Variants in CLVS1 observed in about 807,000 individuals in gnomAD.
CLVS1 encodes clavesin 1, also known as clavesin-1.
A neutral mutation model predicts 33.1 loss-of-function variants in CLVS1; 10 were observed. The ratio of observed to expected loss-of-function variants is 0.30; its 90% CI spans 0.19 to 0.51. The LOEUF is 0.51. Ranked by LOEUF, CLVS1 falls within the 20% of genes least tolerant of loss-of-function variation. The pLI, the probability that CLVS1 is intolerant of heterozygous loss-of-function variation, is 0.97. For synonymous variants in CLVS1, 163 were observed against 166.1 expected, an observed-to-expected ratio of 0.98 and a Z score of 0.14; for missense variants, 343 against 433.4, an observed-to-expected ratio of 0.79 and a Z score of 1.85.
chr8:61,231,192 G>T (rs575375842), intron 2 of CLVS1, among the ~76,000 whole-genome samples: 51 of 152,270 alleles, frequency 3.3e-4, no homozygotes, highest in African/African-American at 1.2e-3. Context: ...ATACCCATGA[G>T]AGAGTCTGCT....
At chr8:61,008,005 G>T in the CLVS1 span, among the ~76,000 whole-genome samples, 1 of 152,300 alleles carries the variant, frequency 6.6e-6, no homozygotes, top group Non-Finnish European at 1.5e-5. Flanking sequence ...CAAGCACAGG[G>T]ACTCCTGCCC....
chr8:61,341,959 G>A (rs2129598243), intron 2 of CLVS1, among the ~76,000 whole-genome samples: 1 of 152,226 alleles, frequency 6.6e-6, no homozygotes, highest in East Asian at 1.9e-4. Flanking sequence ...AAAAAGTCAT[G>A]AAAATGTGTT....
At chr8:61,176,953 G>T (rs1807123844) in intron 2 of CLVS1, among the ~76,000 whole-genome samples, 1 of 152,206 alleles carries the variant, frequency 6.6e-6, no homozygotes, top group Non-Finnish European at 1.5e-5. Context: ...CCCAGGGGGA[G>T]TGGTGGCCAG....
the CLVS1 span, among the ~76,000 whole-genome samples, chr8:60,965,525 A>T: frequency 1.3e-5 from 2 of 152,088 alleles, no homozygotes; most frequent in Non-Finnish European, 1.5e-5. Context: ...ACAGTGGAAG[A>T]GCACTCGGGA....
At chr8:61,198,291 T>G (rs543361785) in intron 2 of CLVS1, among the ~76,000 whole-genome samples, 5 of 152,304 alleles carry the variant, frequency 3.3e-5, no homozygotes, top group African/African-American at 1.2e-4. Flanking sequence ...GTATAAGTGG[T>G]TTTTGATTAC....
intron 1 of CLVS1, among the ~76,000 whole-genome samples, chr8:61,107,419 G>A (rs1052972468): frequency 1.3e-5 from 2 of 152,210 alleles, no homozygotes; most frequent in African/African-American, 2.4e-5. Context: ...ATTGTCTGAT[G>A]AGGTCCTGTT....
At chr8:61,028,457 C>T in the CLVS1 span, among the ~76,000 whole-genome samples, 1 of 152,110 alleles carries the variant, frequency 6.6e-6, no homozygotes, top group Admixed American at 6.6e-5. Flanking sequence ...AATGAATACC[C>T]AATAAATTAG....
At chr8:61,365,207 G>A (rs1055935309) in intron 2 of CLVS1, among the ~76,000 whole-genome samples, 22 of 152,178 alleles carry the variant, frequency 1.4e-4, no homozygotes, top group Non-Finnish European at 2.9e-4. Flanking sequence ...GTAGTGACTA[G>A]CACATTTCCA....
At chr8:61,037,585 C>T in the CLVS1 span, among the ~76,000 whole-genome samples, 3 of 152,168 alleles carry the variant, frequency 2.0e-5, no homozygotes, top group African/African-American at 7.2e-5. Flanking sequence ...ATAGTGCTGC[C>T]ATGAATGTGG....
rs1480456247 is a variant in CLVS1 at position 61,118,028 on chromosome 8, G to T, written c.-242-13742G>T. ...GGACTCTTTTTGGTTGGTAAGCTAT[G>T]GATTATTGCCACAATTTCAGATCCT... On this transcript the variant is annotated intron_variant, in intron 1 of 2. Coordinates refer to the CLVS1 transcript ENST00000522621. 1.4e-3 allele frequency among the ~76,000 whole-genome samples: 213 copies of T among 152,220 alleles called. 2 individuals carry two copies. Among genetic ancestry groups the T allele is most frequent in the African/African-American group, 4.8e-3 (199 of 41,526 alleles).
chr8:61,232,041 T>TTTTTTTTG lies in CLVS1; in HGVS notation c.-151-67629_-151-67628insGTTTTTTT, dbSNP rs1808454600. Among the ~76,000 whole-genome samples, 30 of 116,012 alleles carry TTTTTTTTG rather than the reference T, an allele frequency of 2.6e-4. 1 individual carries two copies. The highest frequency in any genetic ancestry group is 1.3e-3 in the African/African-American group (28 of 20,990). 76.1% of individuals were successfully genotyped at this position (116,012 alleles called of 152,430 possible). A position where few individuals can be genotyped will look rare whatever the true frequency, so the allele number is the denominator to read the frequency against. ...AGTTGTGGTTTTTTTTTTTTTTTTT[T>TTTTTTTTG]TTTTTTTTTGTGAGATGGAGTCTCG... On this transcript the variant is annotated intron_variant, in intron 2 of 2. Transcript: ENST00000522621.
At chr8:60,998,336 C>A in the CLVS1 span, among the ~76,000 whole-genome samples, 2 of 152,188 alleles carry the variant, frequency 1.3e-5, no homozygotes, top group African/African-American at 2.4e-5. Flanking sequence ...TCAGCCCCCT[C>A]AGCCTTATTC....
chr8:61,086,076 A>T (rs1306485329), intron 1 of CLVS1, among the ~76,000 whole-genome samples: 8 of 117,486 alleles, frequency 6.8e-5, no homozygotes, highest in Admixed American at 2.9e-4. Flanking sequence ...AAAAAAAAAA[A>T]ATTAGCTTGT....
chr8:61,266,480 T>C (rs546035623), intron 2 of CLVS1, among the ~76,000 whole-genome samples: 2 of 152,118 alleles, frequency 1.3e-5, no homozygotes, highest in African/African-American at 4.8e-5. Context: ...AGAGACTAGG[T>C]TGGCCTCTGG....
At chr8:61,408,482 C>T (rs561555247) in intron 3 of CLVS1, among the ~76,000 whole-genome samples, 17 of 152,310 alleles carry the variant, frequency 1.1e-4, no homozygotes, top group African/African-American at 3.8e-4. Flanking sequence ...AGAATATGAT[C>T]TACTTCTTTT....
chr8:61,274,807 C>G (rs562427770), intron 2 of CLVS1, among the ~76,000 whole-genome samples: 2 of 152,292 alleles, frequency 1.3e-5, no homozygotes, highest in South Asian at 2.1e-4. Flanking sequence ...TTGATTAACA[C>G]TTGTAGTTTC....
chr8:61,009,639 C>T, the CLVS1 span, among the ~76,000 whole-genome samples: 1 of 152,148 alleles, frequency 6.6e-6, no homozygotes, highest in South Asian at 2.1e-4. Flanking sequence ...GTCTGTAGGA[C>T]CTCTTTATGG....
chr8:61,043,599 G>A, the CLVS1 span, among the ~76,000 whole-genome samples: 154 of 152,300 alleles, frequency 1.0e-3, no homozygotes, highest in African/African-American at 3.5e-3. Flanking sequence ...TTTCCCATAA[G>A]GTAGGAAGAA....
chr8:61,053,911 G>T (rs1170075529), upstream of CLVS1, among the ~76,000 whole-genome samples: 1 of 152,184 alleles, frequency 6.6e-6, no homozygotes, highest in East Asian at 1.9e-4. Flanking sequence ...CCTGACAATA[G>T]CATTTGAGGC....
Sources: allele counts gnomAD v4.1 joint callset (sites outside exome capture counted in the v4.1 genomes callset), GRCh38; gene constraint gnomAD v4.1.1; transcripts MANE v1.5; gene names NCBI Gene and HGNC (gene_info 2026-07-23, HGNC 2026-07-21).